The following RBFOX1 variants were observed in gnomAD, a reference collection of about 807,000 sequenced individuals.
RBFOX1 encodes the protein RNA binding fox-1 homolog 1.
Under a neutral mutation model 57.7 loss-of-function variants are expected in RBFOX1, and 8 were observed. The ratio of observed to expected loss-of-function variants is 0.14; its 90% CI spans 0.08 to 0.25. The LOEUF is 0.25. RBFOX1 is among the 10% of genes least tolerant of loss of function. The probability of loss-of-function intolerance (pLI) is 1.00; values close to 1 mark genes in which losing one functional copy is unlikely to be tolerated. For missense variants in RBFOX1, 611 were observed against 548.5 expected, an observed-to-expected ratio of 1.11 and a Z score of -1.14; for synonymous variants, 326 against 222.4, an observed-to-expected ratio of 1.47 and a Z score of -4.15.
At chr16:6,063,903 A>G (rs2152466278) in intron 1 of RBFOX1, among the ~76,000 whole-genome samples, 1 of 152,326 alleles carries the variant, frequency 6.6e-6, no homozygotes, top group Non-Finnish European at 1.5e-5. Context: ...TCCAGAATTC[A>G]TTAATTTATT....
intron 3 of RBFOX1, among the ~76,000 whole-genome samples, chr16:7,034,848 C>CTTTTCTTTT (rs1412479062): frequency 6.5e-5 from 2 of 30,832 alleles, no homozygotes; most frequent in East Asian, 1.9e-3. Context: ...TTTCTTTTTT[C>CTTTTCTTTT]TTTTTTTTTT....
chr16:5,804,376 G>A (rs1444973449), intron 3 of RBFOX1, among the ~76,000 whole-genome samples: 1 of 152,196 alleles, frequency 6.6e-6, no homozygotes, highest in Non-Finnish European at 1.5e-5. Flanking sequence ...ATTGGTGGTA[G>A]TGACAGAGTT....
At chr16:6,196,595 C>G (rs1401972163) in intron 1 of RBFOX1, among the ~76,000 whole-genome samples, 1 of 152,078 alleles carries the variant, frequency 6.6e-6, no homozygotes, top group Non-Finnish European at 1.5e-5. Context: ...CTAACTCGGT[C>G]CCTGAAACTG....
chr16:6,747,884 G>C (rs1273509805), intron 3 of RBFOX1, among the ~76,000 whole-genome samples: 1 of 152,044 alleles, frequency 6.6e-6, no homozygotes, highest in East Asian at 1.9e-4. Flanking sequence ...ATACCTTATG[G>C]CTTCACCATT....
At chr16:6,060,547 A>T (rs1225297030) in intron 1 of RBFOX1, among the ~76,000 whole-genome samples, 4 of 152,130 alleles carry the variant, frequency 2.6e-5, no homozygotes, top group African/African-American at 9.7e-5. Context: ...CCTCTACGTC[A>T]GCAGTTCCAT....
At chr16:7,672,887 A>AAAAAAAAAAAAAAAC (rs2071999761) in intron 13 of RBFOX1, among the ~76,000 whole-genome samples, 1 of 149,538 alleles carries the variant, frequency 6.7e-6, no homozygotes, top group African/African-American at 2.5e-5. Context: ...AAAAAAAAAA[A>AAAAAAAAAAAAAAAC]AGAACATATA....
chr16:6,189,443 A>G (rs1053113370), intron 1 of RBFOX1, among the ~76,000 whole-genome samples: 17 of 152,274 alleles, frequency 1.1e-4, no homozygotes, highest in Admixed American at 1.0e-3. Flanking sequence ...AGTGACAGAG[A>G]ACTGTTGGGT....
At chr16:7,366,306 C>G (rs2097445955) in intron 4 of RBFOX1, among the ~76,000 whole-genome samples, 1 of 152,206 alleles carries the variant, frequency 6.6e-6, no homozygotes, top group Non-Finnish European at 1.5e-5. Flanking sequence ...TTAGCCATTG[C>G]CAGATCGTTG....
intron 14 of RBFOX1, among the ~76,000 whole-genome samples, chr16:7,685,015 T>G (rs754355107): frequency 6.6e-5 from 10 of 152,078 alleles, no homozygotes; most frequent in Non-Finnish European, 1.3e-4. Context: ...CTGCAGAGCC[T>G]TGCCTTGTAA....
chr16:5,247,544 T>C (rs1239693954), intron 1 of RBFOX1, among the ~76,000 whole-genome samples: 1 of 152,188 alleles, frequency 6.6e-6, no homozygotes, highest in Non-Finnish European at 1.5e-5. Context: ...GATCACGCTG[T>C]AGCAGAGGAG....
chr16:6,846,366 C>G (rs1402462629), intron 3 of RBFOX1, among the ~76,000 whole-genome samples: 1 of 152,180 alleles, frequency 6.6e-6, no homozygotes, highest in Non-Finnish European at 1.5e-5. Context: ...GGTGGCTTCC[C>G]AACAGCAAGC....
At chr16:7,353,226 C>A (rs2097158752) in intron 4 of RBFOX1, among the ~76,000 whole-genome samples, 1 of 152,064 alleles carries the variant, frequency 6.6e-6, no homozygotes, top group Non-Finnish European at 1.5e-5. Context: ...GGACATTCAC[C>A]ATCACTAGCC....
intron 1 of RBFOX1, among the ~76,000 whole-genome samples, chr16:5,408,282 A>G (rs1311515318): frequency 2.0e-5 from 3 of 152,226 alleles, no homozygotes; most frequent in African/African-American, 7.2e-5. Context: ...GAGAGATGAC[A>G]TGTTTTAAGT....
At chr16:6,806,325 T>C (rs1455736636) in intron 3 of RBFOX1, among the ~76,000 whole-genome samples, 2 of 152,196 alleles carry the variant, frequency 1.3e-5, no homozygotes, top group South Asian at 2.1e-4. Flanking sequence ...ATATTTACTT[T>C]AATGTCATCC....
chr16:5,277,058 A>G (rs905506581), intron 1 of RBFOX1, among the ~76,000 whole-genome samples: 7 of 152,192 alleles, frequency 4.6e-5, no homozygotes, highest in Non-Finnish European at 8.8e-5. Context: ...CCCATCAGTC[A>G]ATTAGTGGAT....
intron 3 of RBFOX1, among the ~76,000 whole-genome samples, chr16:7,004,364 A>G (rs1475048227): frequency 6.6e-6 from 1 of 152,184 alleles, no homozygotes; most frequent in Non-Finnish European, 1.5e-5. Flanking sequence ...AGCAAAGACA[A>G]CATGGCATCA....
intron 1 of RBFOX1, among the ~76,000 whole-genome samples, chr16:6,206,693 A>G (rs763965547): frequency 2.6e-5 from 4 of 152,224 alleles, no homozygotes; most frequent in African/African-American, 4.8e-5. Flanking sequence ...AATGAGTCCC[A>G]TATACTCATC....
At chr16:6,257,247 A>G (rs988487219) in intron 1 of RBFOX1, among the ~76,000 whole-genome samples, 1 of 151,946 alleles carries the variant, frequency 6.6e-6, no homozygotes, top group African/African-American at 2.4e-5. Context: ...CTAGCTATTT[A>G]TCCCGATGCT....
chr16:7,237,648 T>C (rs911103971), intron 4 of RBFOX1, among the ~76,000 whole-genome samples: 2 of 152,194 alleles, frequency 1.3e-5, no homozygotes, highest in African/African-American at 4.8e-5. Context: ...CAAGCGTCCA[T>C]GCACAGACAA....
Sources: gnomAD v4.1 joint callset for allele counts (sites outside exome capture counted in the v4.1 genomes callset) on GRCh38, gnomAD v4.1.1 for gene constraint, MANE v1.5 for transcripts, NCBI Gene and HGNC (gene_info 2026-07-23, HGNC 2026-07-21) for gene names.